Variants in ATRNL1 observed in about 807,000 individuals in gnomAD.
ATRNL1 encodes attractin-like protein 1.
ATRNL1 carries 95 observed loss-of-function variants against 182.7 expected under a neutral mutation model. That is an observed-to-expected ratio of 0.52 (90% confidence interval 0.44 to 0.62). ATRNL1 has a LOEUF of 0.62. Among genes scored for constraint, ATRNL1 ranks in the 20% least tolerant of loss-of-function variants. ATRNL1 has a pLI of 0.00. For synonymous variants in ATRNL1, 576 were observed against 568.3 expected (o/e 1.01, Z -0.19); for missense variants, 1,471 against 1,679.5 (o/e 0.88, Z 2.17).
At chr10:115,468,037 G>C (rs1848133629) in intron 23 of ATRNL1, among the ~76,000 whole-genome samples, 1 of 150,376 alleles carries the variant, frequency 6.6e-6, no homozygotes, top group Admixed American at 6.7e-5. Flanking sequence ...GAATATTATG[G>C]ATACATAGAA....
chr10:115,788,066 C>G (rs903681802), intron 27 of ATRNL1, among the ~76,000 whole-genome samples: 4 of 152,112 alleles, frequency 2.6e-5, no homozygotes, highest in Non-Finnish European at 5.9e-5. Context: ...AATACAGGTA[C>G]GTAACATTTT....
chr10:115,129,275 A>C (rs1736695836), intron 4 of ATRNL1, 52 bp from the exon 5 acceptor site: 1 of 1,457,558 alleles, frequency 6.9e-7, no homozygotes, highest in Middle Eastern at 2.4e-4. Flanking sequence ...TATCAACCAA[A>C]ATTCTTTTTC....
intron 9 of ATRNL1, among the ~76,000 whole-genome samples, chr10:115,238,651 T>C (rs1005403139): frequency 6.6e-6 from 1 of 152,128 alleles, no homozygotes; most frequent in African/African-American, 2.4e-5. Flanking sequence ...TGTTGTTGAT[T>C]CTTTGGGATT....
chr10:115,895,530 A>G (rs1952184866), intron 28 of ATRNL1, among the ~76,000 whole-genome samples: 1 of 152,212 alleles, frequency 6.6e-6, no homozygotes, highest in African/African-American at 2.4e-5. Context: ...ACCCTCAGTG[A>G]AACATCTTCT....
chr10:115,229,247 T>A (rs1423724816), intron 9 of ATRNL1, among the ~76,000 whole-genome samples: 1 of 152,200 alleles, frequency 6.6e-6, no homozygotes, highest in African/African-American at 2.4e-5. Flanking sequence ...CAATTTGATA[T>A]AATAGAAGTT....
At chr10:115,751,998 A>G (rs1948461889) in intron 27 of ATRNL1, among the ~76,000 whole-genome samples, 1 of 152,058 alleles carries the variant, frequency 6.6e-6, no homozygotes, top group African/African-American at 2.4e-5. Context: ...CTGACCCTCT[A>G]GCCCTATAAA....
intron 17 of ATRNL1, among the ~76,000 whole-genome samples, chr10:115,304,026 G>A (rs2133984378): frequency 6.6e-6 from 1 of 152,106 alleles, no homozygotes; most frequent in African/African-American, 2.4e-5. Flanking sequence ...CTCTTCATTT[G>A]TCATATTTGA....
At chr10:115,827,638 A>G (rs535817650) in intron 27 of ATRNL1, among the ~76,000 whole-genome samples, 47 of 152,196 alleles carry the variant, frequency 3.1e-4, no homozygotes, top group Non-Finnish European at 6.3e-4. Flanking sequence ...ATCCTAATGG[A>G]TGTACCAAAC....
At chr10:115,680,746 G>GT (rs1946019346) in intron 26 of ATRNL1, among the ~76,000 whole-genome samples, 1 of 152,086 alleles carries the variant, frequency 6.6e-6, no homozygotes, top group African/African-American at 2.4e-5. Context: ...AAATTTTAAA[G>GT]TAAGTTCAAG....
chr10:115,836,579 G>T (rs1950678324), intron 27 of ATRNL1, among the ~76,000 whole-genome samples: 1 of 152,166 alleles, frequency 6.6e-6, no homozygotes. Flanking sequence ...GCTTGTAGAT[G>T]CATCACTGCA....
chr10:115,627,768 G>A (rs1409961494), intron 26 of ATRNL1, among the ~76,000 whole-genome samples: 1 of 152,136 alleles, frequency 6.6e-6, no homozygotes, highest in Non-Finnish European at 1.5e-5. Flanking sequence ...CTAAGAACAC[G>A]AGTGTATTTG....
At chr10:115,571,432 T>C (rs560273101) in intron 26 of ATRNL1, among the ~76,000 whole-genome samples, 39 of 152,308 alleles carry the variant, frequency 2.6e-4, no homozygotes, top group Admixed American at 2.5e-3. Flanking sequence ...TACCCCCATA[T>C]TTTGAGATGC....
chr10:115,748,468 A>G (rs1948356235), intron 27 of ATRNL1, among the ~76,000 whole-genome samples: 2 of 149,614 alleles, frequency 1.3e-5, no homozygotes, highest in African/African-American at 4.9e-5. Context: ...ATAAATCTTT[A>G]TGATCATTTT....
chr10:115,356,696 CTCT>C, intron 19 of ATRNL1, among the ~76,000 whole-genome samples: 1 of 151,868 alleles, frequency 6.6e-6, no homozygotes, highest in East Asian at 1.9e-4. Flanking sequence ...TCCTCAGGAT[CTCT>C]TCTTCTAATT....
intron 19 of ATRNL1, among the ~76,000 whole-genome samples, chr10:115,345,544 A>G (rs561013814): frequency 1.5e-3 from 224 of 152,334 alleles, no homozygotes; most frequent in Non-Finnish European, 2.4e-3. Flanking sequence ...TTTCACTGAT[A>G]GAAGTTAACA....
At chr10:115,295,996 A>G (rs1162242304) in intron 15 of ATRNL1, among the ~76,000 whole-genome samples, 1 of 152,066 alleles carries the variant, frequency 6.6e-6, no homozygotes, top group Admixed American at 6.6e-5. Flanking sequence ...TTGAGTAGGG[A>G]ATGAGAAGTG....
At chr10:115,446,499 A>G (rs1447375782) in intron 21 of ATRNL1, among the ~76,000 whole-genome samples, 1 of 140,982 alleles carries the variant, frequency 7.1e-6, no homozygotes, top group Non-Finnish European at 1.5e-5. Flanking sequence ...CATGTTCCCC[A>G]TGGGTATTTT....
intron 27 of ATRNL1, among the ~76,000 whole-genome samples, chr10:115,768,797 T>A: frequency 6.6e-6 from 1 of 152,094 alleles, no homozygotes; most frequent in East Asian, 1.9e-4. Flanking sequence ...ATAATACTAT[T>A]CTATTAAATT....
chr10:115,732,246 T>G (rs1555063177), intron 27 of ATRNL1, among the ~76,000 whole-genome samples: 1 of 152,204 alleles, frequency 6.6e-6, no homozygotes, highest in Non-Finnish European at 1.5e-5. Context: ...TCTTTCTCCA[T>G]TGAATAGTCT....
Sources: gnomAD v4.1 joint callset for allele counts (sites outside exome capture counted in the v4.1 genomes callset) on GRCh38, gnomAD v4.1.1 for gene constraint, MANE v1.5 for transcripts, NCBI Gene and HGNC (gene_info 2026-07-23, HGNC 2026-07-21) for gene names.